ALKBH8: variants seen among roughly 807,000 people sequenced by gnomAD.
ALKBH8 encodes the protein tRNA (carboxymethyluridine(34)-5-O)-methyltransferase ALKBH8.
A neutral mutation model predicts 59.8 loss-of-function variants in ALKBH8; 36 were observed. The observed-to-expected ratio is 0.60, with a 90% CI of 0.46 to 0.79. ALKBH8 has a LOEUF of 0.79. Among genes scored for constraint, ALKBH8 ranks in the 30% least tolerant of loss-of-function variants. The pLI, the probability that ALKBH8 is intolerant of heterozygous loss-of-function variation, is 0.00. For synonymous variants in ALKBH8, 276 were observed against 273.6 expected, an observed-to-expected ratio of 1.01 and a Z score of -0.09; for missense variants, 768 against 801.0, an observed-to-expected ratio of 0.96 and a Z score of 0.50.
At chr11:107,553,316 T>C (rs553323467) in intron 4 of ALKBH8, 113 bp from the exon 5 acceptor site, 202 of 602,014 alleles carry the variant, frequency 3.4e-4, no homozygotes, top group African/African-American at 3.3e-3. Context: ...CTTCTGTTAA[T>C]TGGTAAATTA....
Position 107,504,818 on chromosome 11 carries a change from C to T in ALKBH8, c.1835G>A (p.Gly612Asp). 1 of 1,551,794 alleles carries T rather than the reference C, an allele frequency of 6.4e-7. No individual in the cohort carries two copies. Reference sequence around the variant, plus strand: ...ACTTGGGTCCTGGGATCCTATGGGACCAAATGGCTCAACAGGTTTGCCTTT... The same window carrying T: ...ACTTGGGTCCTGGGATCCTATGGGATCAAATGGCTCAACAGGTTTGCCTTT... ...PDKGKPVEPF[G>D]PIGSQDPSPV... is the part of the protein sequence containing the mutation. Residue 612 changes from glycine to aspartate, a missense_variant, in exon 12 of 12, where the codon GGT becomes GAT. Physicochemically the swap from Gly to Asp is moderately conservative, Grantham distance 94. Transcript: ENST00000428149.
At chr11:107,524,381 A>T (rs1863262810) in intron 9 of ALKBH8, among the ~76,000 whole-genome samples, 1 of 151,492 alleles carries the variant, frequency 6.6e-6, no homozygotes, top group African/African-American at 2.4e-5. Context: ...TATTCATCTT[A>T]AAAAAAAATC....
intron 1 of ALKBH8, among the ~76,000 whole-genome samples, chr11:107,562,981 G>C (rs1864996706): frequency 1.3e-5 from 2 of 152,182 alleles, no homozygotes; most frequent in African/African-American, 4.8e-5. Context: ...TAAGAGATGA[G>C]TGCTACCACT....
At chr11:107,534,092 T>C (rs976671149) in intron 7 of ALKBH8, among the ~76,000 whole-genome samples, 1 of 151,994 alleles carries the variant, frequency 6.6e-6, no homozygotes, top group Admixed American at 6.6e-5. Context: ...TTCACGCCAC[T>C]ACACTCCAGC....
chr11:107,556,557 G>T (rs1046235186), intron 3 of ALKBH8, among the ~76,000 whole-genome samples: 5 of 152,142 alleles, frequency 3.3e-5, no homozygotes, highest in African/African-American at 1.2e-4. Context: ...GCTTTGTAAA[G>T]GCAGGTTGTA....
intron 7 of ALKBH8, among the ~76,000 whole-genome samples, chr11:107,539,508 A>C (rs1863952652): frequency 6.6e-6 from 1 of 152,104 alleles, no homozygotes; most frequent in Admixed American, 6.5e-5. Flanking sequence ...CTGAGGCAAG[A>C]GAATCACTTG....
Position 107,553,889 on chromosome 11 carries a change from A to G in ALKBH8, c.457T>C (p.Leu153=), listed in dbSNP as rs370449834. Reference sequence around the variant, plus strand: ...TCTTCTGTCCAATCAACACTTTCCAAAAGCATTTTCTCCTCCTCAGAAGAA... The same window carrying G: ...TCTTCTGTCCAATCAACACTTTCCAGAAGCATTTTCTCCTCCTCAGAAGAA... ...IISSEEEKML[L]ESVDWTEDTD... is the part of the protein sequence containing the mutation. The change falls in exon 4 of 12, where the codon TTG becomes CTG. Residue 153 remains leucine, a synonymous_variant. Coordinates refer to ENST00000428149, the MANE Select transcript of ALKBH8 (RefSeq NM_138775.3). 37 of 1,613,660 alleles carry G rather than the reference A, an allele frequency of 2.3e-5. No individual in the cohort carries two copies. In the African/African-American group the frequency reaches 4.0e-4, roughly 17 times the overall value.
chr11:107,537,319 G>T (rs951885814), intron 7 of ALKBH8, among the ~76,000 whole-genome samples: 1 of 152,188 alleles, frequency 6.6e-6, no homozygotes, highest in African/African-American at 2.4e-5. Flanking sequence ...GCCCATCAAT[G>T]ATAGACTAGA....
At position 107,510,946 on chromosome 11, in the gene ALKBH8, G is replaced by A. The variant is rs374943078; in HGVS notation, c.1378C>T (p.Arg460Cys). 34 of 1,551,636 alleles carry A rather than the reference G, an allele frequency of 2.2e-5. No homozygotes were observed. Among genetic ancestry groups the A allele is most frequent in the Middle Eastern group, 1.7e-4 (1 of 6,016 alleles). ...ATGCAGGCATCACAAGACCCACTGC[G>A]GACTGGTACTGCCAATGCATCACAG... ...FVCDALAVPV[R>C]SGSCDACISI... The change falls in exon 11 of 12, where the codon CGC (arginine) becomes TGC (cysteine). Residue 460 changes from arginine (R) to cysteine (C), a missense_variant. By Grantham distance (180) the Arg-to-Cys change is radical. Coordinates refer to ENST00000428149, the MANE Select transcript of ALKBH8 (RefSeq NM_138775.3).
At chr11:107,509,969 G>T (rs1862555064) in intron 11 of ALKBH8, among the ~76,000 whole-genome samples, 1 of 152,174 alleles carries the variant, frequency 6.6e-6, no homozygotes, top group Non-Finnish European at 1.5e-5. Flanking sequence ...AAATGAAGCG[G>T]ATTTTTAAAT....
chr11:107,539,490 T>C (rs536351319), intron 7 of ALKBH8, among the ~76,000 whole-genome samples: 1 of 152,096 alleles, frequency 6.6e-6, no homozygotes, highest in East Asian at 1.9e-4. Context: ...TCCCAGCTAC[T>C]TGGGAGGCTG....
intron 10 of ALKBH8, among the ~76,000 whole-genome samples, chr11:107,511,628 G>A (rs897048336): frequency 6.6e-6 from 1 of 152,136 alleles, no homozygotes; most frequent in Non-Finnish European, 1.5e-5. Flanking sequence ...CCAGGCTGGA[G>A]TGCAATGGCG....
chr11:107,522,463 C>A lies in ALKBH8; in HGVS notation c.1123G>T (p.Val375Phe). ...KEASRLEQEY[V>F]HQVYEEIAGH... ...GCAATCTCTTCATAAACCTGATGGA[C>A]GTACTCTTGCTCCAGCCGTGAGGCT... The change falls in exon 10 of 12, where the codon GTC (valine) becomes TTC (phenylalanine). Residue 375 changes from valine (V) to phenylalanine (F), a missense_variant. By Grantham distance (50) the Val-to-Phe change is conservative. Transcript: ENST00000428149. 1 of 1,551,734 alleles carries A rather than the reference C, an allele frequency of 6.4e-7. No homozygotes were observed. Among genetic ancestry groups the A allele is most frequent in the Non-Finnish European group, 8.7e-7 (1 of 1,147,020 alleles).
intron 2 of ALKBH8, among the ~76,000 whole-genome samples, chr11:107,558,914 T>C (rs1373527483): frequency 6.6e-6 from 1 of 152,236 alleles, no homozygotes; most frequent in East Asian, 1.9e-4. Flanking sequence ...CCTAAAATTA[T>C]AATACATCCG....
chr11:107,560,396 C>A (rs1232017197), intron 2 of ALKBH8, among the ~76,000 whole-genome samples: 1 of 152,118 alleles, frequency 6.6e-6, no homozygotes. Flanking sequence ...TACTTACTAG[C>A]TTATATCAAT....
chr11:107,532,435 C>A lies in ALKBH8; in HGVS notation c.772-29G>T, dbSNP rs200974466. On this transcript the variant is annotated intron_variant, in intron 7 of 11. Transcript: ENST00000428149. Reference sequence around the variant, plus strand: ...GAAGCAAAGATAAAAGCATAAAGATCAATCCAAAATTTCATATACTCCAAG... The same window carrying A: ...GAAGCAAAGATAAAAGCATAAAGATAAATCCAAAATTTCATATACTCCAAG... 7.8e-4 allele frequency: 1,218 copies of A among 1,567,572 alleles called. 10 individuals carry two copies. In the African/African-American group the frequency reaches 0.015, roughly 20 times the overall value.
At chr11:107,511,131 A>G (rs1321813783) in intron 10 of ALKBH8, 95 bp from the exon 11 acceptor site, 12 of 1,270,456 alleles carry the variant, frequency 9.4e-6, no homozygotes, top group Non-Finnish European at 1.3e-5. Flanking sequence ...CATTAGACAG[A>G]TACCATATTC....
chr11:107,556,882 A>C lies in ALKBH8; in HGVS notation c.251T>G (p.Phe84Cys). The C allele has an allele frequency of 6.2e-7, 1 of 1,610,278 alleles. No homozygotes were observed. Among genetic ancestry groups the C allele is most frequent in the African/African-American group, 1.3e-5 (1 of 74,728 alleles). The change falls in exon 3 of 12, where the codon TTT (phenylalanine) becomes TGT (cysteine). Residue 84 changes from phenylalanine to cysteine, a missense_variant. By Grantham distance (205) the Phe-to-Cys change is radical (BLOSUM62 -2). Transcript: ENST00000428149. Reference protein sequence around the residue: ...LLMPPNKPYSFARYRTTEESK... With the variant: ...LLMPPNKPYSCARYRTTEESK... ...TTCTTCTGTAGTTCTGTATCTTGCA[A>C]ATGAGTACGGCTTGTTAGGTGGCAT... is the stretch of plus-strand genomic sequence containing the variant.
chr11:107,532,026 G>A (rs1422880275), intron 8 of ALKBH8, among the ~76,000 whole-genome samples: 2 of 152,148 alleles, frequency 1.3e-5, no homozygotes, highest in Admixed American at 6.5e-5. Context: ...ATGTGAGAGA[G>A]AAATAAAAAA....
Sources: allele counts gnomAD v4.1 joint callset (sites outside exome capture counted in the v4.1 genomes callset), GRCh38; gene constraint gnomAD v4.1.1; transcripts MANE v1.5; gene names NCBI Gene and HGNC (gene_info 2026-07-23, HGNC 2026-07-21).